The following KIF15 variants were observed in gnomAD, a reference collection of about 807,000 sequenced individuals.
KIF15 encodes kinesin-like protein KIF15.
A neutral mutation model predicts 190.6 loss-of-function variants in KIF15; 140 were observed. The observed-to-expected ratio is 0.73, with a 90% confidence interval of 0.64 to 0.84. The LOEUF (loss-of-function observed/expected upper bound fraction) is 0.84, where lower values mean the gene tolerates loss of function less well. Among genes scored for constraint, KIF15 ranks in the 40% least tolerant of loss-of-function variants. KIF15 has a pLI of 0.00. For missense variants in KIF15, 1,372 were observed against 1,584.4 expected (o/e 0.87, Z 2.28); for synonymous variants, 528 against 551.3 (o/e 0.96, Z 0.59).
At chr3:44,807,796 T>C (rs940074381) in intron 16 of KIF15, among the ~76,000 whole-genome samples, 2 of 152,182 alleles carry the variant, frequency 1.3e-5, no homozygotes, top group African/African-American at 4.8e-5. Flanking sequence ...TGTTTTGATT[T>C]TTTATTTGTT....
chr3:44,776,248 T>C (rs769880113), intron 3 of KIF15, among the ~76,000 whole-genome samples: 1 of 151,782 alleles, frequency 6.6e-6, no homozygotes, highest in South Asian at 2.1e-4. Flanking sequence ...TTCTTTTTTT[T>C]TTTTCCCCCC....
chr3:44,769,401 T>G (rs1345697416), intron 1 of KIF15, among the ~76,000 whole-genome samples: 1 of 152,096 alleles, frequency 6.6e-6, no homozygotes, highest in Non-Finnish European at 1.5e-5. Flanking sequence ...CTTCTGTCCT[T>G]ATATCCCCAA....
intron 4 of KIF15, among the ~76,000 whole-genome samples, chr3:44,779,249 C>T (rs935526832): frequency 2.0e-5 from 3 of 152,076 alleles, no homozygotes; most frequent in Admixed American, 6.6e-5. Context: ...ATGCTCTGGG[C>T]TCATCTTGTG....
chr3:44,775,323 T>C lies in KIF15; in HGVS notation c.132T>C (p.Asp44=), dbSNP rs773190393. ...RPPAERSGSA[D]GEQNLCLSVL... is the part of the protein sequence containing the mutation. ...CTGCAGAAAGATCTGGGTCAGCTGATGGAGAGCAGAACTTATGCTTATCTG... is the reference window on the plus strand; with the variant it reads ...CTGCAGAAAGATCTGGGTCAGCTGACGGAGAGCAGAACTTATGCTTATCTG... The change falls in exon 3 of 35, where the codon GAT becomes GAC. Residue 44 remains aspartate, a synonymous_variant. Transcript: ENST00000326047. The C allele has an allele frequency of 1.2e-6, 2 of 1,614,016 alleles. No individual in the cohort carries two copies. Among genetic ancestry groups the C allele is most frequent in the African/African-American group, 2.7e-5 (2 of 74,918 alleles).
Position 44,816,582 on chromosome 3 carries a change from A to G in KIF15, c.2549+1506A>G, listed in dbSNP as rs148091723. ...AAAGGACATGAACTCATCCTTTTTT[A>G]TGGCTGCATAGTATTCCATGTGTAT... On this transcript the variant is annotated intron_variant, in intron 20 of 34. Transcript: ENST00000326047. Among the ~76,000 whole-genome samples the G allele has an allele frequency of 1.8e-3, 281 of 152,152 alleles. 11 individuals carry two copies. In the East Asian group the frequency reaches 0.049, roughly 27 times the overall value.
intron 30 of KIF15, among the ~76,000 whole-genome samples, chr3:44,844,077 G>A (rs183822994): frequency 1.2e-4 from 18 of 152,286 alleles, no homozygotes; most frequent in Non-Finnish European, 2.2e-4. Context: ...TTGAATCAAA[G>A]TGGGATCTCC....
intron 7 of KIF15, among the ~76,000 whole-genome samples, chr3:44,790,695 CTTTTTTTTTTTTT>C (rs56414094): frequency 5.1e-5 from 5 of 97,972 alleles, no homozygotes; most frequent in Non-Finnish European, 9.7e-5. Flanking sequence ...TTTTCTGTTT[CTTTTTTTTTTTTT>C]TTTTTTTTTG....
downstream of KIF15, among the ~76,000 whole-genome samples, chr3:44,856,087 G>A (rs146704214): frequency 0.019 from 2,868 of 151,228 alleles, 77 homozygotes; most frequent in African/African-American, 0.064. Flanking sequence ...GTCCGTTATC[G>A]GACTGTATAG....
At chr3:44,863,310 C>CCCCCCA (rs1553668763) in intron 6 of KIF15, 1 of 117,436 alleles carries the variant, frequency 8.5e-6, no homozygotes, top group African/African-American at 2.8e-5. Context: ...ACCCCCCCCC[C>CCCCCCA]CCGCCGCCTT....
At chr3:44,794,791 C>A (rs1706892847) in intron 8 of KIF15, among the ~76,000 whole-genome samples, 1 of 152,038 alleles carries the variant, frequency 6.6e-6, no homozygotes, top group South Asian at 2.1e-4. Flanking sequence ...GAAATCCCGT[C>A]TCTACTAAAA....
intron 27 of KIF15, 33 bp downstream of exon 27, chr3:44,838,454 A>G: frequency 6.3e-7 from 1 of 1,595,182 alleles, no homozygotes; most frequent in Non-Finnish European, 8.5e-7. Context: ...TCAAGATGGG[A>G]GACAAGAGAC....
intron 20 of KIF15, among the ~76,000 whole-genome samples, chr3:44,822,654 A>G (rs944503754): frequency 2.0e-5 from 3 of 152,036 alleles, no homozygotes; most frequent in Non-Finnish European, 4.4e-5. Flanking sequence ...TCAAATGTAG[A>G]TTTGGTCTTT....
chr3:44,804,354 A>C (rs146834590), intron 14 of KIF15, among the ~76,000 whole-genome samples: 6 of 152,298 alleles, frequency 3.9e-5, no homozygotes, highest in African/African-American at 1.4e-4. Flanking sequence ...TCTCTTCAAC[A>C]TATTCAGTGT....
In KIF15 at chr3:44,794,319, G is replaced by C; in HGVS notation, c.742G>C (p.Glu248Gln). ...AVFTITIESM[E>Q]KSNEIVNIRT... is the part of the protein sequence containing the mutation. ...CTTTACAATTACAATAGAGTCAATG[G>C]AGAAAAGTAATGAGATTGTGAATAT... Residue 248 changes from glutamate to glutamine, a missense_variant, in exon 8 of 35, where the codon GAG (glutamate) becomes CAG (glutamine). Coordinates refer to ENST00000326047, the MANE Select transcript of KIF15 (RefSeq NM_020242.3). 1 of 1,613,974 alleles carries C rather than the reference G, an allele frequency of 6.2e-7. No individual in the cohort carries two copies. The highest frequency in any genetic ancestry group is 8.5e-7 in the Non-Finnish European group (1 of 1,179,936).
At chr3:44,865,263 C>G in intron 6 of KIF15, 1 of 1,566,998 alleles carries the variant, frequency 6.4e-7, no homozygotes, top group Non-Finnish European at 8.7e-7. Context: ...TATCCTAGGG[C>G]GATCCAGTTG....
At chr3:44,763,965 G>A (rs530704635) in intron 1 of KIF15, among the ~76,000 whole-genome samples, 18 of 152,322 alleles carry the variant, frequency 1.2e-4, no homozygotes, top group South Asian at 1.0e-3. Context: ...TAGGATTACA[G>A]GCGTGAGCCA....
intron 32 of KIF15, 111 bp downstream of exon 32, chr3:44,848,669 G>A: frequency 2.2e-6 from 1 of 461,500 alleles, no homozygotes; most frequent in South Asian, 3.7e-5. Context: ...AGTAATAAGT[G>A]AATTTAATAG....
chr3:44,802,900 T>G lies in KIF15; in HGVS notation c.1596T>G (p.Pro532=), dbSNP rs199890192. 83 of 1,612,580 alleles carry G rather than the reference T, an allele frequency of 5.1e-5. No homozygotes were observed. The East Asian group carries it at 1.9e-3, about 36-fold the overall frequency. Reference sequence around the variant, plus strand: ...ATAGAAGACTGAGATTATTAGAGCCTGTGAAAAGAGCTCAAGAAATGGATG... The same window carrying G: ...ATAGAAGACTGAGATTATTAGAGCCGGTGAAAAGAGCTCAAGAAATGGATG... ...EENRRLRLLE[P]VKRAQEMDAQ... Residue 532 remains proline, a synonymous_variant, in exon 14 of 35, where the codon CCT becomes CCG. Coordinates refer to ENST00000326047, the MANE Select transcript of KIF15 (RefSeq NM_020242.3).
intron 5 of KIF15, among the ~76,000 whole-genome samples, chr3:44,781,855 C>T (rs1480849435): frequency 6.6e-6 from 1 of 152,104 alleles, no homozygotes; most frequent in Non-Finnish European, 1.5e-5. Flanking sequence ...TTTTTTCTCC[C>T]ATTTAAAAAA....
Sources: allele counts gnomAD v4.1 joint callset (sites outside exome capture counted in the v4.1 genomes callset), GRCh38; gene constraint gnomAD v4.1.1; transcripts MANE v1.5; gene names NCBI Gene and HGNC (gene_info 2026-07-23, HGNC 2026-07-21).